The following IL1RAPL2 variants were observed in gnomAD, a reference collection of about 807,000 sequenced individuals.
IL1RAPL2 encodes the protein interleukin 1 receptor accessory protein like 2.
A neutral mutation model predicts 44.1 loss-of-function variants in IL1RAPL2; 3 were observed. The observed-to-expected ratio is 0.07, with a 90% CI of 0.03 to 0.18. The LOEUF (loss-of-function observed/expected upper bound fraction) is 0.18. IL1RAPL2 is among the 10% of genes least tolerant of loss of function. IL1RAPL2 has a pLI of 1.00. For missense variants in IL1RAPL2, 391 were observed against 496.4 expected (o/e 0.79, Z 2.02); for synonymous variants, 181 against 178.8 (o/e 1.01, Z -0.10).
intron 5 of IL1RAPL2, among the ~76,000 whole-genome samples, chrX:105,300,968 AT>A (rs1337991788): frequency 8.9e-6 from 1 of 112,104 alleles, no homozygotes; most frequent in Non-Finnish European, 1.9e-5. Flanking sequence ...TGGAATAAAA[AT>A]TTGGTAATAT....
At chrX:105,357,257 A>C (rs1273174994) in intron 5 of IL1RAPL2, among the ~76,000 whole-genome samples, 1 of 111,693 alleles carries the variant, frequency 9.0e-6, no homozygotes, top group African/African-American at 3.3e-5. Context: ...GAGATAATAC[A>C]TTTATCGTAC....
intron 4 of IL1RAPL2, among the ~76,000 whole-genome samples, chrX:105,253,942 A>G (rs918192494): frequency 8.1e-5 from 9 of 111,384 alleles, no homozygotes; most frequent in South Asian, 3.8e-4. Context: ...TCTTTATCCA[A>G]TCTGTCATTG....
intron 1 of IL1RAPL2, among the ~76,000 whole-genome samples, chrX:104,623,299 A>G (rs7888511): frequency 0.012 from 1,347 of 110,358 alleles, 28 homozygotes; most frequent in African/African-American, 0.041. Context: ...AAGTCATCCC[A>G]TATTGAATAT....
chrX:105,100,846 A>G (rs2032662876), intron 2 of IL1RAPL2, among the ~76,000 whole-genome samples: 1 of 112,478 alleles, frequency 8.9e-6, no homozygotes, highest in Non-Finnish European at 1.9e-5. Context: ...GGGACCTGGA[A>G]CAGATCTCTT....
chrX:104,762,804 T>C (rs1248614396), intron 2 of IL1RAPL2, among the ~76,000 whole-genome samples: 2 of 111,694 alleles, frequency 1.8e-5, no homozygotes, highest in African/African-American at 6.5e-5. Flanking sequence ...CCTTTTAGTC[T>C]TGGTGGGATG....
At chrX:105,112,893 T>A (rs1421051180) in intron 2 of IL1RAPL2, among the ~76,000 whole-genome samples, 2 of 112,741 alleles carry the variant, frequency 1.8e-5, no homozygotes, top group Non-Finnish European at 3.7e-5. Context: ...CTCTTCATTG[T>A]TTTCCTCTAA....
chrX:105,756,491 C>T (rs977523959), intron 10 of IL1RAPL2, among the ~76,000 whole-genome samples: 1 of 111,639 alleles, frequency 9.0e-6, no homozygotes, highest in Non-Finnish European at 1.9e-5. Flanking sequence ...TGACAGGAGA[C>T]AAATGGAAAC....
rs1359596854 is a variant in IL1RAPL2, at chrX:104,949,135, G to C, written c.83-246340G>C. On this transcript the variant is annotated intron_variant, in intron 2 of 10. Coordinates refer to ENST00000372582, the MANE Select transcript of IL1RAPL2 (RefSeq NM_017416.2). ...TATTCAGAGATTCATCTTCTTCCTG[G>C]TTTAGTCTTGGGAGAGTGTATGTGT... is the stretch of plus-strand genomic sequence containing the variant. Among the ~76,000 whole-genome samples, 3 of 110,176 alleles carry C rather than the reference G, an allele frequency of 2.7e-5. No individual in the cohort carries two copies. In the East Asian group the frequency reaches 8.5e-4, roughly 31 times the overall value.
chrX:105,432,138 T>TC (rs2035852320), intron 5 of IL1RAPL2, among the ~76,000 whole-genome samples: 1 of 96,533 alleles, frequency 1.0e-5, no homozygotes, highest in Non-Finnish European at 2.1e-5. Flanking sequence ...CCTTTTTTTT[T>TC]TTTTTTTTTT....
intron 1 of IL1RAPL2, among the ~76,000 whole-genome samples, chrX:104,597,513 A>G (rs1045612304): frequency 2.7e-5 from 3 of 111,822 alleles, no homozygotes; most frequent in African/African-American, 6.5e-5. Flanking sequence ...GGCTATGGTC[A>G]TGAGACAGAA....
chrX:105,483,603 C>A (rs1348625686), intron 5 of IL1RAPL2, among the ~76,000 whole-genome samples: 5 of 111,286 alleles, frequency 4.5e-5, no homozygotes, highest in African/African-American at 1.6e-4. Flanking sequence ...AACCTTCCAG[C>A]GAATATTAAC....
At chrX:104,626,299 C>CGTGTGTGTGTGTGT (rs111509844) in intron 1 of IL1RAPL2, among the ~76,000 whole-genome samples, 19 of 100,915 alleles carry the variant, frequency 1.9e-4, no homozygotes, top group African/African-American at 6.3e-4. Flanking sequence ...CTGTCTCATG[C>CGTGTGTGTGTGTGT]GTGTGTGTGT....
intron 6 of IL1RAPL2, among the ~76,000 whole-genome samples, chrX:105,615,360 T>G (rs1355812607): frequency 9.0e-6 from 1 of 111,627 alleles, no homozygotes; most frequent in East Asian, 2.8e-4. Context: ...AATCAGTATA[T>G]CAAAGAGGTA....
chrX:105,084,167 G>A (rs748185799), intron 2 of IL1RAPL2, among the ~76,000 whole-genome samples: 3 of 112,613 alleles, frequency 2.7e-5, no homozygotes, highest in African/African-American at 9.7e-5. Flanking sequence ...CAGTGTGGAA[G>A]GAAAAAATGT....
chrX:105,118,466 A>T (rs190214680), intron 2 of IL1RAPL2, among the ~76,000 whole-genome samples: 54 of 112,383 alleles, frequency 4.8e-4, no homozygotes, highest in African/African-American at 1.7e-3. Context: ...GTGCAAGTAA[A>T]TTGAGGCCAA....
intron 2 of IL1RAPL2, among the ~76,000 whole-genome samples, chrX:105,097,330 C>CAAAAAAAAAAAAAAAAAAAAAAAA (rs201390547): frequency 2.3e-5 from 1 of 43,199 alleles, no homozygotes; most frequent in African/African-American, 1.1e-4. Flanking sequence ...CAGTGTCAGA[C>CAAAAAAAAAAAAAAAAAAAAAAAA]AAAAAAAAAA....
At chrX:104,676,587 A>C (rs906080172) in intron 2 of IL1RAPL2, among the ~76,000 whole-genome samples, 4 of 110,953 alleles carry the variant, frequency 3.6e-5, no homozygotes, top group Admixed American at 1.9e-4. Flanking sequence ...CTTGGAGTTT[A>C]TCTTCTCGAG....
intron 2 of IL1RAPL2, among the ~76,000 whole-genome samples, chrX:105,137,512 T>C (rs1045473265): frequency 9.0e-6 from 1 of 111,696 alleles, no homozygotes; most frequent in Non-Finnish European, 1.9e-5. Context: ...GGTATCAAAG[T>C]GGGAATCAAC....
intron 5 of IL1RAPL2, among the ~76,000 whole-genome samples, chrX:105,427,562 A>T (rs921056885): frequency 1.2e-4 from 14 of 112,244 alleles, no homozygotes; most frequent in Non-Finnish European, 2.3e-4. Flanking sequence ...GACCTTGCTG[A>T]TTTGCAGCTC....
Sources: gnomAD v4.1 joint callset for allele counts (sites outside exome capture counted in the v4.1 genomes callset) on GRCh38, gnomAD v4.1.1 for gene constraint, MANE v1.5 for transcripts, NCBI Gene and HGNC (gene_info 2026-07-23, HGNC 2026-07-21) for gene names.